Variants in TUT1 observed in about 807,000 individuals in gnomAD.
TUT1 encodes the protein speckle targeted PIP5K1A-regulated poly(A) polymerase.
In TUT1, 26 loss-of-function variants were observed where a neutral mutation model predicts 48.8. The ratio of observed to expected loss-of-function variants is 0.53; its 90% confidence interval spans 0.39 to 0.74. The LOEUF is 0.74. Among genes scored for constraint, TUT1 ranks in the 30% least tolerant of loss-of-function variants. The probability of loss-of-function intolerance (pLI) is 0.00; values close to 1 mark genes in which losing one functional copy is unlikely to be tolerated. For synonymous variants in TUT1, 470 were observed against 460.8 expected, an observed-to-expected ratio of 1.02 and a Z score of -0.26; for missense variants, 1,065 against 1,114.8, an observed-to-expected ratio of 0.96 and a Z score of 0.64.
chr11:62,581,022 C>A, intron 4 of TUT1, 84 bp downstream of exon 4: 2 of 1,000,308 alleles, frequency 2.0e-6, no homozygotes, highest in South Asian at 1.4e-5. Flanking sequence ...GGAACTAAGA[C>A]ATGGAGAGCT....
intron 8 of TUT1, 185 bp from the exon 9 acceptor site, chr11:62,576,429 T>G (rs1217826032): frequency 2.4e-6 from 2 of 833,480 alleles, no homozygotes; most frequent in East Asian, 5.4e-5. Context: ...TGCCCCCACA[T>G]GATGTCCTTG....
chr11:62,590,945 A>G lies in TUT1; in HGVS notation c.82+459T>C, dbSNP rs58124574. On this transcript the variant is annotated intron_variant, in intron 1 of 8. Coordinates refer to ENST00000476907, the MANE Select transcript of TUT1 (RefSeq NM_022830.3). Reference sequence around the variant, plus strand: ...CTTATGGTCTAGTCATTCATGCCACACCTATTTCATCCATCCCCTCCTTTG... The same window carrying G: ...CTTATGGTCTAGTCATTCATGCCACGCCTATTTCATCCATCCCCTCCTTTG... Among the ~76,000 whole-genome samples, 4,034 of 151,880 alleles carry G rather than the reference A, an allele frequency of 0.027. 552 individuals are homozygous for G. The East Asian group carries it at 0.43, about 16-fold the overall frequency.
chr11:62,581,295 C>G, intron 3 of TUT1, 89 bp from the exon 4 acceptor site: 2 of 1,564,144 alleles, frequency 1.3e-6, no homozygotes, highest in South Asian at 1.2e-5. Context: ...GAAGAGCAAC[C>G]AAACACCTCT....
chr11:62,581,248 A>AGG, intron 3 of TUT1, 42 bp from the exon 4 acceptor site: 1 of 1,599,162 alleles, frequency 6.3e-7, no homozygotes, highest in African/African-American at 1.3e-5. Context: ...GAAGTTAGGG[A>AGG]GGAGCAGGGG....
intron 2 of TUT1, chr11:62,582,486 C>T (rs1024955907): frequency 1.3e-5 from 5 of 386,348 alleles, no homozygotes; most frequent in African/African-American, 1.1e-4. Context: ...GTTCCAATTA[C>T]TTGGGAGGCT....
At chr11:62,585,346 G>C (rs1941894466) in intron 2 of TUT1, among the ~76,000 whole-genome samples, 1 of 152,192 alleles carries the variant, frequency 6.6e-6, no homozygotes, top group Admixed American at 6.5e-5. Context: ...GACAAAGGTA[G>C]CTACTTGGAC....
chr11:62,585,244 C>T (rs765279653), intron 2 of TUT1, among the ~76,000 whole-genome samples: 7 of 152,186 alleles, frequency 4.6e-5, no homozygotes, highest in Non-Finnish European at 5.9e-5. Context: ...CCTCAGCCTC[C>T]TCAGTAGCTG....
At chr11:62,584,512 G>A (rs11231152) in intron 2 of TUT1, among the ~76,000 whole-genome samples, 38,358 of 149,908 alleles carry the variant, frequency 0.26, 5,822 homozygotes, top group Non-Finnish European at 0.36. Context: ...CACGATCTTG[G>A]CTCACAGCAA....
At chr11:62,585,603 G>A (rs911825276) in intron 2 of TUT1, among the ~76,000 whole-genome samples, 4 of 151,962 alleles carry the variant, frequency 2.6e-5, no homozygotes, top group Non-Finnish European at 5.9e-5. Context: ...AGGCTGAGGC[G>A]GACAGATCAT....
chr11:62,581,731 T>C, intron 2 of TUT1, 30 bp from the exon 3 acceptor site: 1 of 1,397,714 alleles, frequency 7.2e-7, no homozygotes, highest in Non-Finnish European at 9.3e-7. Flanking sequence ...GAGATGATGA[T>C]TTTGGAACCA....
chr11:62,578,687 C>G lies in TUT1; in HGVS notation c.1034G>C (p.Gly345Ala), dbSNP rs376045636. 2.5e-6 allele frequency: 4 copies of G among 1,614,214 alleles called. No individual in the cohort carries two copies. The highest frequency in any genetic ancestry group is 1.6e-4 in the Middle Eastern group (1 of 6,062). ...AGGGACACAGCCCCGGAGAATGGAT[C>G]CCACCAGCTCCAGCATTGCTGCCCC... ...AEGAAMLELV[G>A]SILRGCVPGV... Residue 345 changes from glycine to alanine, a missense_variant, in exon 5 of 9, where the codon GGA (glycine) becomes GCA (alanine). Transcript: ENST00000476907.
chr11:62,586,985 G>C (rs1436100282), intron 2 of TUT1, among the ~76,000 whole-genome samples: 1 of 146,970 alleles, frequency 6.8e-6, no homozygotes, highest in African/African-American at 2.5e-5. Context: ...GATTACAGGC[G>C]TAAGCCACTG....
intron 4 of TUT1, among the ~76,000 whole-genome samples, chr11:62,579,478 T>A (rs893700833): frequency 1.2e-4 from 18 of 152,178 alleles, no homozygotes; most frequent in Non-Finnish European, 2.1e-4. Context: ...GGTAAAGGAA[T>A]GTGATACATG....
Position 62,587,092 on chromosome 11 carries a change from CAAAAAAAAAA to C in TUT1, c.273+1929_273+1938del, listed in dbSNP as rs202002182. ...ATTCTACCACAAAAAAACTCCCTCT[CAAAAAAAAAA>C]AAAAAAAAAGGAAAAAGAAAAGGCA... On this transcript the variant is annotated intron_variant, in intron 2 of 8. Transcript: ENST00000476907. 3.7e-5 allele frequency among the ~76,000 whole-genome samples: 4 copies of C among 108,324 alleles called. No homozygotes were observed. In the South Asian group the frequency reaches 1.0e-3, roughly 28 times the overall value. The allele number at this position is 108,324 out of a possible 152,430, so 71.1% of individuals were successfully genotyped here.
At chr11:62,584,281 C>A (rs1180995528) in intron 2 of TUT1, among the ~76,000 whole-genome samples, 1 of 151,990 alleles carries the variant, frequency 6.6e-6, no homozygotes, top group African/African-American at 2.4e-5. Context: ...ACACGCACCA[C>A]TACACCTGGC....
At chr11:62,584,223 G>T (rs1042703798) in intron 2 of TUT1, among the ~76,000 whole-genome samples, 1 of 150,578 alleles carries the variant, frequency 6.6e-6, no homozygotes, top group African/African-American at 2.5e-5. Context: ...GCCTCCCGGG[G>T]TTCAAGCAAT....
intron 2 of TUT1, among the ~76,000 whole-genome samples, chr11:62,583,671 T>C (rs1941866501): frequency 6.6e-6 from 1 of 152,228 alleles, no homozygotes; most frequent in Non-Finnish European, 1.5e-5. Flanking sequence ...TATTCTTTTA[T>C]ATCCTCCAAT....
Position 62,576,652 on chromosome 11 carries a change from CT to C in TUT1, c.1474+4del, listed in dbSNP as rs1565265373. ...CTAGTCCTCTACCAGGCTCCCCAAA[CT>C]CACTGAGGGGCTCCACATTTATGCT... is the stretch of plus-strand genomic sequence containing the variant. On this transcript the variant is annotated splice_donor_region_variant and intron_variant, in intron 8 of 8. Coordinates refer to ENST00000476907, the MANE Select transcript of TUT1 (RefSeq NM_022830.3). The C allele has an allele frequency of 6.2e-7, 1 of 1,613,876 alleles. No homozygotes were observed. Among genetic ancestry groups the C allele is most frequent in the Non-Finnish European group, 8.5e-7 (1 of 1,179,756 alleles).
At chr11:62,582,040 C>T (rs1306235219) in intron 2 of TUT1, among the ~76,000 whole-genome samples, 2 of 151,712 alleles carry the variant, frequency 1.3e-5, no homozygotes, top group Admixed American at 6.6e-5. Context: ...TGGAGTGCAG[C>T]GGGGTGATCT....
Sources: gnomAD v4.1 joint callset for allele counts (sites outside exome capture counted in the v4.1 genomes callset) on GRCh38, gnomAD v4.1.1 for gene constraint, MANE v1.5 for transcripts, NCBI Gene and HGNC (gene_info 2026-07-23, HGNC 2026-07-21) for gene names.